The following SAMHD1 variants were observed in gnomAD, a reference collection of about 807,000 sequenced individuals.
SAMHD1 encodes SAM and HD domain containing deoxynucleoside triphosphate triphosphohydrolase 1.
Under a neutral mutation model 79.6 loss-of-function variants are expected in SAMHD1, and 54 were observed. The ratio of observed to expected loss-of-function variants is 0.68; its 90% CI spans 0.55 to 0.85. The LOEUF (loss-of-function observed/expected upper bound fraction) is 0.85. Among genes scored for constraint, SAMHD1 ranks in the 40% least tolerant of loss-of-function variants. The pLI is 0.00. For synonymous variants in SAMHD1, 260 were observed against 264.1 expected (o/e 0.98, Z 0.15); for missense variants, 663 against 782.7 (o/e 0.85, Z 1.82).
intron 15 of SAMHD1, among the ~76,000 whole-genome samples, chr20:36,896,669 T>C (rs1990204485): frequency 6.6e-6 from 1 of 151,966 alleles, no homozygotes; most frequent in African/African-American, 2.4e-5. Context: ...ACCCCATCTC[T>C]ACTAAAATAC....
intron 11 of SAMHD1, among the ~76,000 whole-genome samples, chr20:36,910,222 CAAA>C (rs35505370): frequency 1.6e-5 from 2 of 121,906 alleles, no homozygotes; most frequent in Non-Finnish European, 3.3e-5. Context: ...GACTCCGTAT[CAAA>C]AAAAAAAAAA....
At chr20:36,917,093 A>G in intron 7 of SAMHD1, 44 bp from the exon 8 acceptor site, 1 of 1,232,896 alleles carries the variant, frequency 8.1e-7, no homozygotes, top group South Asian at 1.2e-5. Context: ...GATAGGCACC[A>G]AATCTATTTA....
At chr20:36,940,810 G>C (rs2063638256) in intron 3 of SAMHD1, 1 of 571,688 alleles carries the variant, frequency 1.7e-6, no homozygotes, top group East Asian at 2.9e-5. Context: ...GACAAGTTGG[G>C]TAGTGGTCTA....
chr20:36,892,645 A>G lies in SAMHD1; in HGVS notation c.*287T>C. 2.4e-6 allele frequency: 1 copy of G among 418,392 alleles called. No homozygotes were observed. The highest frequency in any genetic ancestry group is 4.4e-6 in the Non-Finnish European group (1 of 228,198). 25.9% of individuals were successfully genotyped at this position (418,392 alleles called of 1,614,324 possible). On this transcript the variant is annotated 3_prime_UTR_variant, in exon 16 of 16. Transcript: ENST00000646673. ...TTGTCTCTTAAAAAAGAAAAAAAAT[A>G]GAGTTCAGAATAGATAAAAGAGTTG...
At chr20:36,910,594 G>T (rs942301327) in intron 11 of SAMHD1, among the ~76,000 whole-genome samples, 1 of 151,646 alleles carries the variant, frequency 6.6e-6, no homozygotes, top group South Asian at 2.1e-4. Flanking sequence ...GCTGGGCATG[G>T]TGGGGCATGC....
chr20:36,904,282 CAT>C, intron 12 of SAMHD1, 33 bp from the exon 13 acceptor site: 2 of 1,420,278 alleles, frequency 1.4e-6, no homozygotes, highest in South Asian at 2.3e-5. Flanking sequence ...TGTTAGAATC[CAT>C]TTTTCATCAA....
chr20:36,945,439 A>G (rs915339565), intron 2 of SAMHD1, among the ~76,000 whole-genome samples: 24 of 152,168 alleles, frequency 1.6e-4, no homozygotes, highest in Admixed American at 1.6e-3. Flanking sequence ...TGCTCAAGAT[A>G]GGGGTGTAGC....
intron 2 of SAMHD1, among the ~76,000 whole-genome samples, chr20:36,944,077 CA>C (rs542947370): frequency 2.7e-4 from 24 of 89,998 alleles, no homozygotes; most frequent in Admixed American, 6.1e-4. Context: ...GACTCCATCT[CA>C]AAAAAAAAAA....
At chr20:36,940,985 A>C in intron 3 of SAMHD1, 54 bp downstream of exon 3, 1 of 1,313,434 alleles carries the variant, frequency 7.6e-7, no homozygotes, top group Non-Finnish European at 1.1e-6. Context: ...ATTTTACATA[A>C]TTGAGTTATA....
At chr20:36,947,789 T>A (rs1277444278) in intron 1 of SAMHD1, among the ~76,000 whole-genome samples, 1 of 152,040 alleles carries the variant, frequency 6.6e-6, no homozygotes, top group Non-Finnish European at 1.5e-5. Context: ...TGCCTCAGCC[T>A]CCTGAGTAGC....
In SAMHD1 at chr20:36,941,032, C is replaced by T. The variant is rs568011642; in HGVS notation, c.348+7G>A. 5 of 1,605,432 alleles carry T rather than the reference C, an allele frequency of 3.1e-6. No homozygotes were observed. In the East Asian group the frequency reaches 1.1e-4, roughly 36 times the overall value. On this transcript the variant is annotated splice_region_variant and intron_variant, in intron 3 of 15. Transcript: ENST00000646673. ...TCAAAAAACATAACAAACTCAGATCCTCTTACCTTCATTGTATCAACGTGG... is the reference window on the plus strand; with the variant it reads ...TCAAAAAACATAACAAACTCAGATCTTCTTACCTTCATTGTATCAACGTGG...
intron 15 of SAMHD1, among the ~76,000 whole-genome samples, chr20:36,896,223 C>T (rs760733987): frequency 6.6e-6 from 1 of 151,824 alleles, no homozygotes; most frequent in African/African-American, 2.4e-5. Context: ...CCGCCCACCT[C>T]GGCCTCCCAA....
At chr20:36,948,797 G>A (rs1296941704) in intron 1 of SAMHD1, among the ~76,000 whole-genome samples, 6 of 147,422 alleles carry the variant, frequency 4.1e-5, no homozygotes, top group African/African-American at 1.0e-4. Flanking sequence ...AACCCGGGAG[G>A]CAGAGGTTAC....
intron 11 of SAMHD1, among the ~76,000 whole-genome samples, chr20:36,909,720 T>G (rs1488244012): frequency 6.7e-6 from 1 of 150,208 alleles, no homozygotes; most frequent in Non-Finnish European, 1.5e-5. Context: ...ACCTTTACCC[T>G]TTACCTCTCT....
rs763408711 is a variant in SAMHD1 at position 36,927,182 on chromosome 20, C to T, written c.696G>A (p.Thr232=). Residue 232 remains threonine, a splice_region_variant and synonymous_variant, in exon 6 of 16, where the codon ACG becomes ACA. Coordinates refer to ENST00000646673, the MANE Select transcript of SAMHD1 (RefSeq NM_015474.4). ...GACTATTGACTGTATGAATACATAC[C>T]GTCCATTTCACCTCCGGGCGAGCAA... ...IPLARPEVKW[T]HEQGSVMMFE... is the part of the protein sequence containing the mutation. The T allele has an allele frequency of 5.0e-6, 8 of 1,607,398 alleles. No individual in the cohort carries two copies. In the Middle Eastern group the frequency reaches 4.9e-4, roughly 99 times the overall value.
chr20:36,947,008 A>G, intron 1 of SAMHD1: 1 of 449,578 alleles, frequency 2.2e-6, no homozygotes, highest in Non-Finnish European at 4.0e-6. Flanking sequence ...ATTTTTTGAT[A>G]AATCACGTGA....
At position 36,943,494 on chromosome 20, in the gene SAMHD1, C is replaced by T. The variant is rs183033620; in HGVS notation, c.276-2383G>A. Among the ~76,000 whole-genome samples, 289 of 152,254 alleles carry T rather than the reference C, an allele frequency of 1.9e-3. 1 individual carries two copies. The highest frequency in any genetic ancestry group is 6.4e-3 in the African/African-American group (267 of 41,534). ...TGAGTTATGAGGTGGGGCACAGAGA[C>T]GTGCAATATAGTGTTCCTTCTGGAA... On this transcript the variant is annotated intron_variant, in intron 2 of 15. Coordinates refer to ENST00000646673, the MANE Select transcript of SAMHD1 (RefSeq NM_015474.4).
intron 1 of SAMHD1, among the ~76,000 whole-genome samples, chr20:36,948,185 G>C (rs1311377177): frequency 6.6e-6 from 1 of 151,916 alleles, no homozygotes; most frequent in Non-Finnish European, 1.5e-5. Context: ...TCCATAATGA[G>C]AAAAGGGACA....
At position 36,919,513 on chromosome 20, in the gene SAMHD1, G is replaced by T. The variant is rs750807433; in HGVS notation, c.703C>A (p.Gln235Lys). 1 of 1,613,146 alleles carries T rather than the reference G, an allele frequency of 6.2e-7. No homozygotes were observed. Among genetic ancestry groups the T allele is most frequent in the African/African-American group, 1.3e-5 (1 of 74,900 alleles). ...TGCTCAAACATCATAACTGAGCCTT[G>T]TTCATGCTAGGAAAAGTAAGCACAA... ...ARPEVKWTHE[Q>K]GSVMMFEHLI... Residue 235 changes from glutamine to lysine, a missense_variant, in exon 7 of 16, where the codon CAA (glutamine) becomes AAA (lysine). Coordinates refer to ENST00000646673, the MANE Select transcript of SAMHD1 (RefSeq NM_015474.4).
Sources: gnomAD v4.1 joint callset for allele counts (sites outside exome capture counted in the v4.1 genomes callset) on GRCh38, gnomAD v4.1.1 for gene constraint, MANE v1.5 for transcripts, NCBI Gene and HGNC (gene_info 2026-07-23, HGNC 2026-07-21) for gene names.